Variants in RIMS1 observed in about 807,000 individuals in gnomAD.
The protein encoded by RIMS1 is regulating synaptic membrane exocytosis 1, also known as regulating synaptic membrane exocytosis protein 1.
RIMS1 carries 83 observed loss-of-function variants against 214.1 expected under a neutral mutation model. The observed-to-expected ratio is 0.39, with a 90% CI of 0.32 to 0.47. The LOEUF (loss-of-function observed/expected upper bound fraction) is 0.47. Among genes scored for constraint, RIMS1 ranks in the 20% least tolerant of loss-of-function variants. The pLI is 0.99. For synonymous variants in RIMS1, 793 were observed against 786.8 expected (o/e 1.01, Z -0.13); for missense variants, 2,050 against 2,161.8 (o/e 0.95, Z 1.03).
intron 18 of RIMS1, 22 bp from the exon 19 acceptor site, chr6:72,260,683 A>T (rs938358888): frequency 6.2e-6 from 10 of 1,611,318 alleles, no homozygotes; most frequent in Non-Finnish European, 5.9e-6. Context: ...TGTTTCACTC[A>T]CCACCCATCC....
At chr6:72,167,980 T>C (rs1308947101) in intron 4 of RIMS1, among the ~76,000 whole-genome samples, 1 of 152,132 alleles carries the variant, frequency 6.6e-6, no homozygotes, top group Non-Finnish European at 1.5e-5. Flanking sequence ...TTTTTGGCAA[T>C]TTAAAATTTT....
intron 15 of RIMS1, among the ~76,000 whole-genome samples, chr6:72,252,167 C>G (rs1373875676): frequency 6.6e-6 from 1 of 152,080 alleles, no homozygotes; most frequent in Non-Finnish European, 1.5e-5. Flanking sequence ...AAGTTAACAG[C>G]TGAAAGAAGC....
intron 22 of RIMS1, among the ~76,000 whole-genome samples, chr6:72,268,005 C>A (rs1351981687): frequency 6.6e-6 from 1 of 152,092 alleles, no homozygotes; most frequent in Non-Finnish European, 1.5e-5. Flanking sequence ...TTATTGGGAT[C>A]ACTTTATTGC....
intron 2 of RIMS1, among the ~76,000 whole-genome samples, chr6:72,027,064 T>C (rs1816733526): frequency 6.6e-6 from 1 of 152,204 alleles, no homozygotes; most frequent in African/African-American, 2.4e-5. Context: ...TAAATATGAA[T>C]GATTTAAAAT....
At chr6:72,126,077 C>T (rs113974055) in intron 4 of RIMS1, among the ~76,000 whole-genome samples, 4 of 151,548 alleles carry the variant, frequency 2.6e-5, no homozygotes, top group Admixed American at 1.3e-4. Flanking sequence ...GTCGATCTCA[C>T]TGGGAGCTGC....
At chr6:72,354,372 A>C (rs1221165490) in intron 29 of RIMS1, among the ~76,000 whole-genome samples, 4 of 152,140 alleles carry the variant, frequency 2.6e-5, no homozygotes, top group Admixed American at 6.5e-5. Context: ...TACTTCTAAC[A>C]CTAAGCCCAA....
chr6:72,186,955 ACC>A (rs2049208405), intron 6 of RIMS1, among the ~76,000 whole-genome samples: 1 of 152,034 alleles, frequency 6.6e-6, no homozygotes, highest in Non-Finnish European at 1.5e-5. Context: ...ACATGGTGAA[ACC>A]CCATCTCTAC....
intron 2 of RIMS1, among the ~76,000 whole-genome samples, chr6:72,005,458 A>G (rs1230827085): frequency 6.6e-6 from 1 of 152,206 alleles, no homozygotes; most frequent in African/African-American, 2.4e-5. Flanking sequence ...CCCCTTAGGA[A>G]CTAATACAGA....
At chr6:72,204,370 C>CA (rs1454824661) in intron 6 of RIMS1, among the ~76,000 whole-genome samples, 2 of 152,120 alleles carry the variant, frequency 1.3e-5, no homozygotes, top group African/African-American at 4.8e-5. Flanking sequence ...GAATGAAATC[C>CA]AAAAAACTTC....
At chr6:72,187,309 A>C (rs1394006029) in intron 6 of RIMS1, among the ~76,000 whole-genome samples, 14 of 151,608 alleles carry the variant, frequency 9.2e-5, no homozygotes, top group Admixed American at 6.5e-4. Context: ...TTCTCTTTAT[A>C]AGTTGCATAT....
At chr6:71,940,023 C>A (rs1785571316) in intron 1 of RIMS1, among the ~76,000 whole-genome samples, 2 of 152,134 alleles carry the variant, frequency 1.3e-5, no homozygotes, top group African/African-American at 2.4e-5. Flanking sequence ...ATGATAATCA[C>A]CATATTCACC....
At chr6:72,220,007 A>G (rs1000801475) in intron 6 of RIMS1, among the ~76,000 whole-genome samples, 3 of 152,104 alleles carry the variant, frequency 2.0e-5, no homozygotes, top group African/African-American at 7.2e-5. Flanking sequence ...TTTGAAAAAT[A>G]TAATTCATTG....
chr6:72,394,407 A>G (rs2098749554), intron 31 of RIMS1, among the ~76,000 whole-genome samples: 2 of 152,150 alleles, frequency 1.3e-5, no homozygotes, highest in East Asian at 1.9e-4. Flanking sequence ...TCAAAATAAT[A>G]TAAATATTAA....
intron 1 of RIMS1, among the ~76,000 whole-genome samples, chr6:71,918,524 A>C (rs1170367522): frequency 6.6e-6 from 1 of 152,190 alleles, no homozygotes; most frequent in East Asian, 1.9e-4. Flanking sequence ...AAAGATGGAC[A>C]ATCCTTTTAA....
At position 72,108,513 on chromosome 6, in the gene RIMS1, T is replaced by G. The variant is rs115615023; in HGVS notation, c.471+8527T>G. On this transcript the variant is annotated intron_variant, in intron 4 of 33. Transcript: ENST00000521978. ...TTCTATTATCTACCAGGATCATATA[T>G]TCCCTTATTTTTTATTTAAACTTCT... 2.8e-3 allele frequency among the ~76,000 whole-genome samples: 420 copies of G among 152,260 alleles called. 1 individual carries two copies. The highest frequency in any genetic ancestry group is 9.6e-3 in the African/African-American group (401 of 41,566).
At chr6:72,014,099 C>T (rs1019410105) in intron 2 of RIMS1, among the ~76,000 whole-genome samples, 1 of 152,214 alleles carries the variant, frequency 6.6e-6, no homozygotes, top group Non-Finnish European at 1.5e-5. Context: ...GATTGACTTA[C>T]AGTTCAGCAT....
intron 2 of RIMS1, among the ~76,000 whole-genome samples, chr6:71,979,797 A>T (rs17568315): frequency 0.12 from 17,597 of 152,038 alleles, 1,243 homozygotes; most frequent in South Asian, 0.19. Flanking sequence ...TAGCCAGGAA[A>T]CGTGTATTTG....
At chr6:72,268,171 G>A (rs188676302) in intron 22 of RIMS1, among the ~76,000 whole-genome samples, 2 of 152,228 alleles carry the variant, frequency 1.3e-5, no homozygotes, top group East Asian at 1.9e-4. Context: ...TTGTGAACAC[G>A]CCTATGAAGC....
At chr6:72,389,082 C>T (rs1013740068) in intron 29 of RIMS1, among the ~76,000 whole-genome samples, 6 of 152,060 alleles carry the variant, frequency 3.9e-5, no homozygotes, top group Non-Finnish European at 4.4e-5. Flanking sequence ...GGTCTGAGGC[C>T]TGAGGTCTAG....
Sources: allele counts gnomAD v4.1 joint callset (sites outside exome capture counted in the v4.1 genomes callset), GRCh38; gene constraint gnomAD v4.1.1; transcripts MANE v1.5; gene names NCBI Gene and HGNC (gene_info 2026-07-23, HGNC 2026-07-21).